Variants in PDP1 observed in about 807,000 individuals in gnomAD.
The protein encoded by PDP1 is pyruvate dehydrogenase phosphatase catalytic subunit 1.
PDP1 carries 14 observed loss-of-function variants against 37.1 expected under a neutral mutation model. That is an observed-to-expected ratio of 0.38 (90% confidence interval 0.25 to 0.59). PDP1 has a LOEUF of 0.59. Among genes scored for constraint, PDP1 ranks in the 20% least tolerant of loss-of-function variants. PDP1 has a pLI of 0.67. For synonymous variants in PDP1, 251 were observed against 243.3 expected (o/e 1.03, Z -0.29); for missense variants, 544 against 655.3 (o/e 0.83, Z 1.85).
Position 93,922,133 on chromosome 8 carries a change from G to A in PDP1, c.74G>A (p.Cys25Tyr), listed in dbSNP as rs746369657. Residue 25 changes from cysteine to tyrosine, a missense_variant, in exon 2 of 2, where the codon TGT becomes TAT. Physicochemically the swap from Cys to Tyr is radical, Grantham distance 194. Coordinates refer to ENST00000297598, the MANE Select transcript of PDP1 (RefSeq NM_018444.4). This position sits in a 1 kb window ranked among gnomAD's most constrained non-coding sequence, Gnocchi z 4.0. ...CTGAGCAGGATCTATGGCACTGCATGTTACTGCCACCACAAACATCTCTGT... is the reference window on the plus strand; with the variant it reads ...CTGAGCAGGATCTATGGCACTGCATATTACTGCCACCACAAACATCTCTGT... ...CELSRIYGTA[C>Y]YCHHKHLCCS... 1.9e-6 allele frequency: 3 copies of A among 1,613,900 alleles called. No homozygotes were observed. The African/African-American group carries it at 4.0e-5, about 22-fold the overall frequency.
rs1465239814 is a variant in PDP1, at chr8:93,923,475, A to G, written c.1416A>G (p.Val472=). The G allele has an allele frequency of 3.7e-6, 6 of 1,602,112 alleles. No individual in the cohort carries two copies. The Admixed American group carries it at 1.0e-4, about 27-fold the overall frequency. The change falls in exon 2 of 2, where the codon GTA becomes GTG. Residue 472 remains valine (V), a synonymous_variant. Coordinates refer to ENST00000297598, the MANE Select transcript of PDP1 (RefSeq NM_018444.4). The surrounding 1 kb of genome is among the most constrained non-coding windows in gnomAD (Gnocchi z 4.3). ...LTERRTKMSS[V]FEDQNAATHL... is the part of the protein sequence containing the mutation. ...AAAGGAGAACCAAAATGTCCTCGGT[A>G]TTTGAGGATCAGAACGCAGCAACCC...
In PDP1 at chr8:93,924,155, C is replaced by T. The variant is rs1306609372; in HGVS notation, c.*482C>T. The T allele has an allele frequency of 5.9e-6, 1 of 169,012 alleles. No individual in the cohort carries two copies. Among genetic ancestry groups the T allele is most frequent in the Non-Finnish European group, 1.4e-5 (1 of 69,410 alleles). 10.5% of individuals were successfully genotyped at this position (169,012 alleles called of 1,614,324 possible). The stretch of plus-strand genomic sequence containing the variant: ...ATTATTCATATACATTTATTTTAGC[C>T]TAAAGTGGTTTTCAAATCCAGTTCT... On this transcript the variant is annotated 3_prime_UTR_variant, in exon 2 of 2. Coordinates refer to ENST00000297598, the MANE Select transcript of PDP1 (RefSeq NM_018444.4).
chr8:93,921,979 C>G, intron 1 of PDP1, 37 bp from the exon 2 acceptor site: 1 of 1,396,422 alleles, frequency 7.2e-7, no homozygotes, highest in South Asian at 1.4e-5. Flanking sequence ...AAATGTAACT[C>G]TTTCCTTTGT....
chr8:93,917,484 G>A (rs1170530930), intron 1 of PDP1, among the ~76,000 whole-genome samples: 6 of 151,880 alleles, frequency 4.0e-5, no homozygotes, highest in Non-Finnish European at 5.9e-5. Context: ...GCCCCTGTTC[G>A]TCTGGACTGA....
intron 1 of PDP1, among the ~76,000 whole-genome samples, chr8:93,918,248 C>T (rs1810149199): frequency 6.6e-6 from 1 of 152,116 alleles, no homozygotes; most frequent in South Asian, 2.1e-4. Context: ...GTTGAAAAAT[C>T]GCGGATGGTC....
intron 1 of PDP1, chr8:93,921,459 A>G (rs1810266814): frequency 2.7e-6 from 1 of 365,108 alleles, no homozygotes; most frequent in Non-Finnish European, 3.8e-6. Context: ...TCATATATGT[A>G]TATGATGTAC....
intron 1 of PDP1, chr8:93,917,771 C>A: frequency 6.4e-7 from 1 of 1,553,340 alleles, no homozygotes; most frequent in Non-Finnish European, 8.7e-7. Flanking sequence ...AGCGAGACCT[C>A]GCCCCTCCTC....
rs1312527124 is a variant in PDP1 at position 93,924,422 on chromosome 8, T to C, written c.*749T>C. 6.0e-6 allele frequency: 1 copy of C among 167,046 alleles called. No individual in the cohort carries two copies. The highest frequency in any genetic ancestry group is 1.5e-5 in the Non-Finnish European group (1 of 68,124). The allele number at this position is 167,046 out of a possible 1,614,324, so 10.3% of individuals were successfully genotyped here. On this transcript the variant is annotated 3_prime_UTR_variant, in exon 2 of 2. Coordinates refer to ENST00000297598, the MANE Select transcript of PDP1 (RefSeq NM_018444.4). ...TATTTGTATTAATGAAAAGCTTTAGTTTAAAATAAGGAGATCCAGAATAAA... is the reference window on the plus strand; with the variant it reads ...TATTTGTATTAATGAAAAGCTTTAGCTTAAAATAAGGAGATCCAGAATAAA...
chr8:93,917,601 C>G (rs975432468), intron 1 of PDP1: 3 of 439,344 alleles, frequency 6.8e-6, no homozygotes, highest in African/African-American at 4.1e-5. Context: ...GGCTGGCCCT[C>G]GGGGCGCACC....
In PDP1 at chr8:93,922,285, C is replaced by A. The variant is rs773166625; in HGVS notation, c.226C>A (p.Gln76Lys). 6.2e-7 allele frequency: 1 copy of A among 1,614,114 alleles called. No individual in the cohort carries two copies. The highest frequency in any genetic ancestry group is 8.5e-7 in the Non-Finnish European group (1 of 1,180,046). ...TQGRRYASTP[Q>K]KFYLTPPQVN... ...AGGAAGGAGATATGCTTCCACACCA[C>A]AGAAATTTTACCTCACACCTCCACA... Residue 76 changes from glutamine to lysine, a missense_variant, in exon 2 of 2, where the codon CAG becomes AAG. This residue lies in a region of PDP1 where 342 missense variants were observed against 414.0 expected (regional missense o/e 0.83). Coordinates refer to ENST00000297598, the MANE Select transcript of PDP1 (RefSeq NM_018444.4). The surrounding 1 kb of genome is among the most constrained non-coding windows in gnomAD (Gnocchi z 4.0).
Position 93,924,764 on chromosome 8 carries a change from A to C in PDP1, c.*1091A>C, listed in dbSNP as rs568829851. The C allele has an allele frequency of 1.0e-4, 17 of 167,214 alleles. No individual in the cohort carries two copies. In the East Asian group the frequency reaches 3.1e-3, roughly 30 times the overall value. The allele number at this position is 167,214 out of a possible 1,614,324, so 10.4% of individuals were successfully genotyped here. On this transcript the variant is annotated 3_prime_UTR_variant, in exon 2 of 2. Coordinates refer to ENST00000297598, the MANE Select transcript of PDP1 (RefSeq NM_018444.4). ...TGGGTTTAAAATGACTAAATGCTTT[A>C]AACATATTGTAGCTTAAGATATATG...
chr8:93,918,518 ATCTT>A (rs1339135035), intron 1 of PDP1, among the ~76,000 whole-genome samples: 2 of 152,212 alleles, frequency 1.3e-5, no homozygotes, highest in Non-Finnish European at 2.9e-5. Flanking sequence ...GTTGCAGTGC[ATCTT>A]TCTTTATTAG....
In PDP1 at chr8:93,916,961, G is replaced by C; in HGVS notation, c.-163G>C. ...GGTAGGGGAGCAGAGTGGGCAGGCC[G>C]GGGGTGAGGGCTCGCGCTCCGGGAG... On this transcript the variant is annotated 5_prime_UTR_variant, in exon 1 of 2. Coordinates refer to ENST00000297598, the MANE Select transcript of PDP1 (RefSeq NM_018444.4). The C allele has an allele frequency of 2.2e-6, 1 of 454,936 alleles. No homozygotes were observed. Among genetic ancestry groups the C allele is most frequent in the Non-Finnish European group, 4.3e-6 (1 of 231,238 alleles). 28.2% of individuals were successfully genotyped at this position (454,936 alleles called of 1,614,324 possible).
At chr8:93,917,929 C>G in intron 1 of PDP1, 1 of 1,613,932 alleles carries the variant, frequency 6.2e-7, no homozygotes, top group Non-Finnish European at 8.5e-7. Context: ...GTGTGTGTCC[C>G]GGGCCCAGAC....
rs1286787633 is a variant in PDP1 at position 93,925,590 on chromosome 8, G to A, written c.*1917G>A. The A allele has an allele frequency of 6.0e-6, 1 of 166,896 alleles. No individual in the cohort carries two copies. Among genetic ancestry groups the A allele is most frequent in the African/African-American group, 2.4e-5 (1 of 41,424 alleles). The allele number at this position is 166,896 out of a possible 1,614,324, so 10.3% of individuals were successfully genotyped here. On this transcript the variant is annotated 3_prime_UTR_variant, in exon 2 of 2. Coordinates refer to ENST00000297598, the MANE Select transcript of PDP1 (RefSeq NM_018444.4). ...GTTTCCTGTGGTCATGATCAAGATAGTAGTATTATTACACAAGAAACTTGG... is the reference window on the plus strand; with the variant it reads ...GTTTCCTGTGGTCATGATCAAGATAATAGTATTATTACACAAGAAACTTGG...
Position 93,924,334 on chromosome 8 carries a change from A to G in PDP1, c.*661A>G, listed in dbSNP as rs1306498941. 6.0e-6 allele frequency: 1 copy of G among 166,944 alleles called. No homozygotes were observed. Among genetic ancestry groups the G allele is most frequent in the Non-Finnish European group, 1.5e-5 (1 of 68,066 alleles). The allele number at this position is 166,944 out of a possible 1,614,324, so 10.3% of individuals were successfully genotyped here. Reference sequence around the variant, plus strand: ...TCTATTTTGCCACACACTTGGAGACAATAAGGGTTTTTAGTTTTATCTACT... The same window carrying G: ...TCTATTTTGCCACACACTTGGAGACGATAAGGGTTTTTAGTTTTATCTACT... On this transcript the variant is annotated 3_prime_UTR_variant, in exon 2 of 2. Coordinates refer to ENST00000297598, the MANE Select transcript of PDP1 (RefSeq NM_018444.4).
Position 93,923,198 on chromosome 8 carries a change from A to C in PDP1, c.1139A>C (p.Glu380Ala), listed in dbSNP as rs1810337541. ...ESGPDQLNDN[E>A]YTKFIPPNYH... ...GGCCCAGACCAGTTGAATGACAATGAATATACCAAGTTTATTCCTCCTAAT... is the reference window on the plus strand; with the variant it reads ...GGCCCAGACCAGTTGAATGACAATGCATATACCAAGTTTATTCCTCCTAAT... The change falls in exon 2 of 2, where the codon GAA (glutamate) becomes GCA (alanine). Residue 380 changes from glutamate (E) to alanine (A), a missense_variant. Around this residue, in one of 5 missense-constraint regions of PDP1, gnomAD observed 35 missense variants for 36.1 expected, o/e 0.97. Transcript: ENST00000297598. The surrounding 1 kb of genome is among the most constrained non-coding windows in gnomAD (Gnocchi z 4.3). The C allele has an allele frequency of 2.5e-6, 4 of 1,614,136 alleles. No homozygotes were observed. Among genetic ancestry groups the C allele is most frequent in the Non-Finnish European group, 3.4e-6 (4 of 1,179,966 alleles).
rs756937580 is a variant in PDP1, at chr8:93,922,083, T to C, written c.24T>C (p.Phe8=). 6.2e-7 allele frequency: 1 copy of C among 1,612,892 alleles called. No individual in the cohort carries two copies. Among genetic ancestry groups the C allele is most frequent in the East Asian group, 2.2e-5 (1 of 44,856 alleles). The stretch of plus-strand genomic sequence containing the variant: ...CCATGCCAGCACCAACTCAACTGTT[T>C]TTTCCTCTCATCCGTAACTGTGAAC... MPAPTQL[F]FPLIRNCELS... Residue 8 remains phenylalanine, a synonymous_variant, in exon 2 of 2, where the codon TTT becomes TTC. Transcript: ENST00000297598. This position sits in a 1 kb window ranked among gnomAD's most constrained non-coding sequence, Gnocchi z 4.0.
intron 1 of PDP1, chr8:93,917,734 C>CA: frequency 7.4e-7 from 1 of 1,349,464 alleles, no homozygotes; most frequent in Non-Finnish European, 1.0e-6. Flanking sequence ...TCTTCCCCCC[C>CA]ACCTCCCAGC....
Sources: gnomAD v4.1 joint callset for allele counts (sites outside exome capture counted in the v4.1 genomes callset) on GRCh38, gnomAD v4.1.1 for gene constraint, gnomAD v4.1.1 regional missense constraint, Gnocchi (gnomAD v3.1) non-coding constraint, MANE v1.5 for transcripts, NCBI Gene and HGNC (gene_info 2026-07-23, HGNC 2026-07-21) for gene names.